Variants in PCDHGB3 observed in about 807,000 individuals in gnomAD.
The protein encoded by PCDHGB3 is protocadherin gamma-B3.
A neutral mutation model predicts 59.2 loss-of-function variants in PCDHGB3; 40 were observed. The ratio of observed to expected loss-of-function variants is 0.68; its 90% CI spans 0.52 to 0.88. The LOEUF is 0.88. Among genes scored for constraint, PCDHGB3 ranks in the 40% least tolerant of loss-of-function variants. The pLI, the probability that PCDHGB3 is intolerant of heterozygous loss-of-function variation, is 0.00. For missense variants in PCDHGB3, 1,309 were observed against 1,187.9 expected (o/e 1.10, Z -1.50); for synonymous variants, 581 against 503.6 (o/e 1.15, Z -2.06).
chr5:141,431,790 C>T lies in PCDHGB3; in HGVS notation c.2415+58981C>T, dbSNP rs2097417829. On this transcript the variant is annotated intron_variant, in intron 1 of 3. Transcript: ENST00000576222. This position sits in a 1 kb window ranked among gnomAD's most constrained non-coding sequence, Gnocchi z 4.8. The stretch of plus-strand genomic sequence containing the variant: ...ACTGTTCTGGACGTGAACGACAATG[C>T]CCCAGAAGTGGTCCTCACCTCTCTC... 4.3e-6 allele frequency: 7 copies of T among 1,614,186 alleles called. No individual in the cohort carries two copies. The highest frequency in any genetic ancestry group is 5.9e-6 in the Non-Finnish European group (7 of 1,180,016).
intron 1 of PCDHGB3, chr5:141,408,109 C>T (rs1011504923): frequency 3.5e-6 from 5 of 1,445,662 alleles, no homozygotes; most frequent in Non-Finnish European, 4.6e-6. Flanking sequence ...AGACCCGGGA[C>T]TCCTCCTGTC....
At chr5:141,383,956 A>T in intron 1 of PCDHGB3, 2 of 1,613,670 alleles carry the variant, frequency 1.2e-6, no homozygotes, top group South Asian at 1.1e-5. Flanking sequence ...GACGTCTTTA[A>T]GTAGCTCAAT....
chr5:141,406,331 C>T lies in PCDHGB3; in HGVS notation c.2415+33522C>T, dbSNP rs577134835. 6.6e-5 allele frequency among the ~76,000 whole-genome samples: 10 copies of T among 152,002 alleles called. No homozygotes were observed. In the East Asian group the frequency reaches 1.3e-3, roughly 21 times the overall value. ...CTCACCCAGCAAATTCTTACTCCTA[C>T]GATCATTTATTCAGGTCATACTATG... On this transcript the variant is annotated intron_variant, in intron 1 of 3. Coordinates refer to ENST00000576222, the MANE Select transcript of PCDHGB3 (RefSeq NM_018924.5).
At chr5:141,450,729 C>T (rs370122389) in intron 1 of PCDHGB3, among the ~76,000 whole-genome samples, 3 of 152,048 alleles carry the variant, frequency 2.0e-5, no homozygotes, top group Non-Finnish European at 2.9e-5. Context: ...TCAGGTGATC[C>T]GCCCGCCTTG....
Position 141,376,232 on chromosome 5 carries a change from C to A in PCDHGB3, c.2415+3423C>A, listed in dbSNP as rs750982276. 6.7e-5 allele frequency: 108 copies of A among 1,614,106 alleles called. No homozygotes were observed. The highest frequency in any genetic ancestry group is 9.0e-5 in the Non-Finnish European group (106 of 1,180,056). ...CATCGTGCTGCTGGCGCTCAGACTG[C>A]AGCGCTGGCACAAGTCACGCCTGCT... is the stretch of plus-strand genomic sequence containing the variant. On this transcript the variant is annotated intron_variant, in intron 1 of 3. Coordinates refer to ENST00000576222, the MANE Select transcript of PCDHGB3 (RefSeq NM_018924.5).
intron 1 of PCDHGB3, chr5:141,388,961 G>C: frequency 6.2e-7 from 1 of 1,614,042 alleles, no homozygotes; most frequent in Non-Finnish European, 8.5e-7. Flanking sequence ...AGGACGCCGA[G>C]CTGGGAACAC....
chr5:141,375,630 C>T (rs1162494057), intron 1 of PCDHGB3: 2 of 1,614,246 alleles, frequency 1.2e-6, no homozygotes, highest in Non-Finnish European at 1.7e-6. Flanking sequence ...ATTCTGTACG[C>T]CCTGCGCTCC....
intron 1 of PCDHGB3, chr5:141,400,116 C>G (rs2093964416): frequency 6.2e-7 from 1 of 1,614,086 alleles, no homozygotes; most frequent in African/African-American, 1.3e-5. Context: ...TTGCTGACAG[C>G]TTGCAGGAGG....
chr5:141,374,729 G>A, intron 1 of PCDHGB3: 2 of 1,610,396 alleles, frequency 1.2e-6, no homozygotes, highest in African/African-American at 2.7e-5. Context: ...TACTGCCATG[G>A]ATGGCGGCGA....
At position 141,480,425 on chromosome 5, in the gene PCDHGB3, AT is replaced by A. The variant is rs553131122; in HGVS notation, c.2416-14380del. On this transcript the variant is annotated intron_variant, in intron 1 of 3. Transcript: ENST00000576222. ...GTGAGACCCTGTCTCAAAAAAAAAA[AT>A]TATCAGCTATTACTATAATTATTTT... 2.3e-4 allele frequency among the ~76,000 whole-genome samples: 34 copies of A among 149,340 alleles called. 1 individual carries two copies. In the South Asian group the frequency reaches 6.0e-3, roughly 26 times the overall value.
intron 1 of PCDHGB3, chr5:141,399,412 T>A: frequency 6.2e-7 from 1 of 1,613,948 alleles, no homozygotes; most frequent in Non-Finnish European, 8.5e-7. Flanking sequence ...GCCGCCCCTC[T>A]CCTCCAGCAT....
chr5:141,441,665 A>C (rs994092543), intron 1 of PCDHGB3: 10 of 265,838 alleles, frequency 3.8e-5, no homozygotes, highest in African/African-American at 2.1e-4. Context: ...CCTTGAGCGC[A>C]CAGTGCGCCT....
At chr5:141,450,815 A>T (rs183350620) in intron 1 of PCDHGB3, among the ~76,000 whole-genome samples, 1,650 of 126,706 alleles carry the variant, frequency 0.013, 15 homozygotes, top group African/African-American at 0.032. Context: ...TATTTATTTA[A>T]TATTATTATT....
At chr5:141,407,505 T>TTTTTTTTTTTTTTTTTTTTTTGAGACGG (rs1460306566) in intron 1 of PCDHGB3, among the ~76,000 whole-genome samples, 2 of 152,142 alleles carry the variant, frequency 1.3e-5, no homozygotes, top group African/African-American at 2.4e-5. Context: ...CTGTTTTTCT[T>TTTTTTTTTTTTTTTTTTTTTTGAGACGG]AGGCTATGTA....
intron 1 of PCDHGB3, among the ~76,000 whole-genome samples, chr5:141,452,542 C>T (rs2098743637): frequency 6.6e-6 from 1 of 152,180 alleles, no homozygotes; most frequent in Admixed American, 6.6e-5. Flanking sequence ...CATATTGATA[C>T]CTCCAGTTCT....
intron 1 of PCDHGB3, among the ~76,000 whole-genome samples, chr5:141,450,013 T>A (rs1178482524): frequency 7.4e-6 from 1 of 135,940 alleles, no homozygotes; most frequent in African/African-American, 3.2e-5. Flanking sequence ...TCTCTTTTTT[T>A]TTTTTTTTTT....
chr5:141,392,774 C>G (rs752798314), intron 1 of PCDHGB3: 1 of 1,520,452 alleles, frequency 6.6e-7, no homozygotes, highest in East Asian at 2.3e-5. Context: ...CCCATTTATG[C>G]ACAGTGAAGA....
At chr5:141,394,467 G>A (rs558211393) in intron 1 of PCDHGB3, 3 of 1,614,238 alleles carry the variant, frequency 1.9e-6, no homozygotes, top group Admixed American at 1.7e-5. Flanking sequence ...GAGCCTGTTC[G>A]TGCTGGACCA....
rs779651957 is a variant in PCDHGB3, at chr5:141,431,167, T to G, written c.2415+58358T>G. 2 of 1,614,118 alleles carry G rather than the reference T, an allele frequency of 1.2e-6. No individual in the cohort carries two copies. Among genetic ancestry groups the G allele is most frequent in the Non-Finnish European group, 1.7e-6 (2 of 1,180,014 alleles). The stretch of plus-strand genomic sequence containing the variant: ...ACAATGCGCCTTACTTTCGTGAAAG[T>G]GAATTAGAAATAAAAATTAGTGAAA... On this transcript the variant is annotated intron_variant, in intron 1 of 3. Transcript: ENST00000576222. The surrounding 1 kb of genome is among the most constrained non-coding windows in gnomAD (Gnocchi z 4.8).
Sources: allele counts gnomAD v4.1 joint callset (sites outside exome capture counted in the v4.1 genomes callset), GRCh38; gene constraint gnomAD v4.1.1; non-coding constraint Gnocchi (gnomAD v3.1); transcripts MANE v1.5; gene names NCBI Gene and HGNC (gene_info 2026-07-23, HGNC 2026-07-21).